Variants in NCK1 observed in about 807,000 individuals in gnomAD.
NCK1 encodes the protein SH2/SH3 adapter protein NCK1.
In NCK1, 19 loss-of-function variants were observed where a neutral mutation model predicts 36.6. The ratio of observed to expected loss-of-function variants is 0.52; its 90% CI spans 0.36 to 0.76. The LOEUF (loss-of-function observed/expected upper bound fraction) is 0.76, where lower values mean the gene tolerates loss of function less well. NCK1 is among the 30% of genes least tolerant of loss of function. The pLI is 0.00. For missense variants in NCK1, 358 were observed against 445.6 expected (o/e 0.80, Z 1.77); for synonymous variants, 165 against 156.0 (o/e 1.06, Z -0.43).
At chr3:136,871,839 C>T (rs1388488997) in intron 1 of NCK1, among the ~76,000 whole-genome samples, 4 of 152,084 alleles carry the variant, frequency 2.6e-5, no homozygotes, top group East Asian at 1.9e-4. Flanking sequence ...GTTTTAAAAA[C>T]GGGAGTTTCC....
At chr3:136,905,927 A>C (rs1939672387) in intron 1 of NCK1, among the ~76,000 whole-genome samples, 1 of 151,798 alleles carries the variant, frequency 6.6e-6, no homozygotes. Context: ...ACCTGGCCAG[A>C]TTTTTTTGAT....
At chr3:136,922,713 A>G (rs896125783) in intron 1 of NCK1, among the ~76,000 whole-genome samples, 4 of 152,254 alleles carry the variant, frequency 2.6e-5, no homozygotes, top group Admixed American at 1.3e-4. Flanking sequence ...TGGGGAAATA[A>G]TCACTGATAT....
At chr3:136,875,793 C>T (rs1938749888) in intron 1 of NCK1, among the ~76,000 whole-genome samples, 1 of 149,470 alleles carries the variant, frequency 6.7e-6, no homozygotes, top group Non-Finnish European at 1.5e-5. Flanking sequence ...CAGCTCTGCA[C>T]CAAGTGGACC....
At chr3:136,874,421 C>G (rs867564230) in intron 1 of NCK1, among the ~76,000 whole-genome samples, 6 of 152,308 alleles carry the variant, frequency 3.9e-5, no homozygotes, top group Middle Eastern at 6.8e-3. Flanking sequence ...CTCAGGTGAC[C>G]CGCCCACCTT....
At chr3:136,898,888 T>C (rs535923091) in intron 1 of NCK1, among the ~76,000 whole-genome samples, 71 of 152,358 alleles carry the variant, frequency 4.7e-4, no homozygotes, top group Non-Finnish European at 6.0e-4. Context: ...AAAGCTCTCA[T>C]TGAGATCTTG....
intron 1 of NCK1, among the ~76,000 whole-genome samples, chr3:136,925,036 A>G (rs1191475038): frequency 1.3e-5 from 2 of 152,302 alleles, no homozygotes; most frequent in East Asian, 3.9e-4. Context: ...ATATTGATAA[A>G]ATTGGGTGAT....
intron 1 of NCK1, among the ~76,000 whole-genome samples, chr3:136,919,344 T>C (rs1214491096): frequency 6.6e-6 from 1 of 152,162 alleles, no homozygotes; most frequent in Non-Finnish European, 1.5e-5. Flanking sequence ...TCTTACTGTA[T>C]GTAAAATAAA....
chr3:136,910,211 C>G (rs1939798435), intron 1 of NCK1, among the ~76,000 whole-genome samples: 1 of 152,182 alleles, frequency 6.6e-6, no homozygotes, highest in Non-Finnish European at 1.5e-5. Flanking sequence ...CCTTTTGTGT[C>G]TATTCAGTAG....
intron 1 of NCK1, among the ~76,000 whole-genome samples, chr3:136,896,944 T>A (rs1374568487): frequency 6.6e-6 from 1 of 152,238 alleles, no homozygotes. Flanking sequence ...GATTGCTGGA[T>A]CTTGTGGTAG....
chr3:136,928,707 T>A (rs1940312235), intron 2 of NCK1: 1 of 153,568 alleles, frequency 6.5e-6, no homozygotes, highest in Non-Finnish European at 1.4e-5. Context: ...TCTTTTCTAT[T>A]TTGTTTCTCT....
Position 136,928,045 on chromosome 3 carries a change from C to T in NCK1, c.44C>T (p.Ala15Val). 1.9e-6 allele frequency: 3 copies of T among 1,613,980 alleles called. No homozygotes were observed. Among genetic ancestry groups the T allele is most frequent in the Non-Finnish European group, 2.5e-6 (3 of 1,179,994 alleles). The change falls in exon 2 of 4, where the codon GCC (alanine) becomes GTC (valine). Residue 15 changes from alanine (A) to valine (V), a missense_variant. Ala to Val is a moderately conservative substitution (Grantham distance 64). Around this residue, in one of 3 missense-constraint regions of NCK1, gnomAD observed 143 missense variants for 162.4 expected, o/e 0.88. Coordinates refer to ENST00000481752, the MANE Select transcript of NCK1 (RefSeq NM_001291999.2). Reference protein sequence around the residue: ...VVVVAKFDYVAQQEQELDIKK... With the variant: ...VVVVAKFDYVVQQEQELDIKK... ...GTAGTAGCCAAATTTGATTATGTGG[C>T]CCAACAAGAACAAGAGTTGGACATC...
intron 1 of NCK1, among the ~76,000 whole-genome samples, chr3:136,872,501 G>A (rs774452907): frequency 3.4e-4 from 52 of 152,218 alleles, no homozygotes; most frequent in Non-Finnish European, 7.3e-4. Context: ...GCTTGACAGC[G>A]TGATAGAAAA....
chr3:136,938,301 A>G (rs1233800899), intron 2 of NCK1, among the ~76,000 whole-genome samples: 1 of 152,144 alleles, frequency 6.6e-6, no homozygotes, highest in African/African-American at 2.4e-5. Flanking sequence ...TCCTAGTACA[A>G]ATGATCCTTA....
At chr3:136,868,191 C>A (rs867364509) in intron 1 of NCK1, among the ~76,000 whole-genome samples, 4 of 152,128 alleles carry the variant, frequency 2.6e-5, no homozygotes, top group Non-Finnish European at 2.9e-5. Context: ...TCTGGAATTA[C>A]AGGCATGAGC....
rs1939835268 is a variant in NCK1, at chr3:136,911,911, T to TATATTA, written c.-18-16072_-18-16067dup. Among the ~76,000 whole-genome samples, 6 of 152,136 alleles carry TATATTA rather than the reference T, an allele frequency of 3.9e-5. No individual in the cohort carries two copies. The South Asian group carries it at 1.2e-3, about 31-fold the overall frequency. ...TTGGTAGTTAATTAGACTATTAGAC[T>TATATTA]ATATTAGCCCACTGTGTTTTGGCCT... On this transcript the variant is annotated intron_variant, in intron 1 of 3. Transcript: ENST00000481752.
chr3:136,946,376 T>C (rs1343293927), intron 3 of NCK1, 81 bp downstream of exon 3: 24 of 1,260,486 alleles, frequency 1.9e-5, no homozygotes, highest in Non-Finnish European at 2.7e-5. Context: ...AGAGGTTAAG[T>C]GGCTTCCCTA....
chr3:136,932,462 A>G (rs549673788), intron 2 of NCK1, among the ~76,000 whole-genome samples: 84 of 152,322 alleles, frequency 5.5e-4, no homozygotes, highest in African/African-American at 1.8e-3. Flanking sequence ...AAATTGTACA[A>G]TGTTTTAAAT....
intron 1 of NCK1, among the ~76,000 whole-genome samples, chr3:136,882,241 G>A (rs966704778): frequency 1.3e-5 from 2 of 152,036 alleles, no homozygotes; most frequent in Admixed American, 1.3e-4. Flanking sequence ...TATCTCTGTG[G>A]TTTTGATTTG....
intron 2 of NCK1, chr3:136,930,517 G>T (rs759049110): frequency 3.4e-4 from 487 of 1,416,380 alleles, no homozygotes; most frequent in Non-Finnish European, 4.4e-4. Flanking sequence ...GAATTATCCT[G>T]AGCTGTGTTA....
Sources: allele counts gnomAD v4.1 joint callset (sites outside exome capture counted in the v4.1 genomes callset), GRCh38; gene constraint gnomAD v4.1.1; regional missense constraint gnomAD v4.1.1; transcripts MANE v1.5; gene names NCBI Gene and HGNC (gene_info 2026-07-23, HGNC 2026-07-21).